Variants in PRKCQ observed in about 807,000 individuals in gnomAD.
The protein encoded by PRKCQ is protein kinase C theta.
Under a neutral mutation model 91.2 loss-of-function variants are expected in PRKCQ, and 41 were observed. The observed-to-expected ratio is 0.45, with a 90% CI of 0.35 to 0.58. The LOEUF (loss-of-function observed/expected upper bound fraction) is 0.58. Ranked by LOEUF, PRKCQ falls within the 20% of genes least tolerant of loss-of-function variation. The pLI, the probability that PRKCQ is intolerant of heterozygous loss-of-function variation, is 0.00. For missense variants in PRKCQ, 673 were observed against 896.5 expected (o/e 0.75, Z 3.18); for synonymous variants, 307 against 316.9 (o/e 0.97, Z 0.33).
At chr10:6,400,925 T>A in the PRKCQ span, among the ~76,000 whole-genome samples, 39 of 152,324 alleles carry the variant, frequency 2.6e-4, no homozygotes, top group East Asian at 7.5e-3. Context: ...CATAGTTCGT[T>A]CCCTTTTAGA....
downstream of PRKCQ, among the ~76,000 whole-genome samples, chr10:6,425,794 C>G (rs1166236261): frequency 6.6e-6 from 1 of 151,772 alleles, no homozygotes; most frequent in East Asian, 1.9e-4. Context: ...GTCTCTAATT[C>G]AAAAAAATAA....
At chr10:6,491,915 A>T (rs3815975) in intron 7 of PRKCQ, 103 bp from the exon 8 acceptor site, 3 of 1,474,948 alleles carry the variant, frequency 2.0e-6, no homozygotes, top group Middle Eastern at 1.8e-4. Context: ...TAATGAAAAC[A>T]CTGGCATTGT....
intron 1 of PRKCQ, among the ~76,000 whole-genome samples, chr10:6,524,164 T>C (rs533070749): frequency 2.0e-5 from 3 of 152,256 alleles, no homozygotes; most frequent in East Asian, 1.9e-4. Flanking sequence ...AAAAATCCTA[T>C]GAGAAAGAGT....
chr10:6,445,312 G>T (rs1834222761), intron 15 of PRKCQ, among the ~76,000 whole-genome samples: 1 of 152,046 alleles, frequency 6.6e-6, no homozygotes, highest in South Asian at 2.1e-4. Context: ...GCCCAGGGGT[G>T]CTGTGAAGTC....
intron 12 of PRKCQ, among the ~76,000 whole-genome samples, chr10:6,470,868 T>C (rs1014303582): frequency 6.6e-6 from 1 of 151,506 alleles, no homozygotes; most frequent in Non-Finnish European, 1.5e-5. Context: ...GGAGAATCAC[T>C]TGAACCCAGG....
chr10:6,521,159 G>T (rs1014344452), intron 1 of PRKCQ, among the ~76,000 whole-genome samples: 1 of 151,966 alleles, frequency 6.6e-6, no homozygotes, highest in Non-Finnish European at 1.5e-5. Flanking sequence ...CAACAATTCC[G>T]AGAGAAGGGG....
At chr10:6,525,786 G>C (rs894023288) in intron 1 of PRKCQ, among the ~76,000 whole-genome samples, 1 of 152,126 alleles carries the variant, frequency 6.6e-6, no homozygotes, top group Non-Finnish European at 1.5e-5. Flanking sequence ...GGATCTGCTG[G>C]AGGCCATGAA....
the PRKCQ span, among the ~76,000 whole-genome samples, chr10:6,404,253 G>A: frequency 8.1e-5 from 1 of 12,406 alleles, no homozygotes; most frequent in East Asian, 0.016. Flanking sequence ...GAGAAGGGGG[G>A]GGGAGAGAGA....
chr10:6,572,091 G>A (rs1400541894), intron 1 of PRKCQ, among the ~76,000 whole-genome samples: 6 of 152,096 alleles, frequency 3.9e-5, no homozygotes, highest in Admixed American at 1.3e-4. Flanking sequence ...TGATTCCCGC[G>A]ATCCAGGCCC....
In PRKCQ at chr10:6,450,209, C is replaced by T. The variant is rs1206466818; in HGVS notation, c.1647+6465G>A. Among the ~76,000 whole-genome samples, 6 of 149,988 alleles carry T rather than the reference C, an allele frequency of 4.0e-5. No homozygotes were observed. The East Asian group carries it at 1.2e-3, about 29-fold the overall frequency. On this transcript the variant is annotated intron_variant, in intron 15 of 17. Transcript: ENST00000263125. ...AACCCATCTCATGTGCAGAGACACA[C>T]ATAGGCTCAAAATAAAAGGATGGAG...
chr10:6,539,114 G>A, intron 1 of PRKCQ, among the ~76,000 whole-genome samples: 1 of 152,134 alleles, frequency 6.6e-6, no homozygotes, highest in South Asian at 2.1e-4. Flanking sequence ...TTGCACAAGG[G>A]TAGAAACCTT....
At chr10:6,521,801 A>G (rs1306564780) in intron 1 of PRKCQ, among the ~76,000 whole-genome samples, 1 of 152,208 alleles carries the variant, frequency 6.6e-6, no homozygotes, top group Admixed American at 6.5e-5. Flanking sequence ...ATCTGGATGC[A>G]GTCATTATCA....
chr10:6,423,724 C>T (rs924898733), downstream of PRKCQ, among the ~76,000 whole-genome samples: 1 of 152,214 alleles, frequency 6.6e-6, no homozygotes, highest in Non-Finnish European at 1.5e-5. Context: ...CTTCTGCTGC[C>T]CATCCCTTTG....
intron 1 of PRKCQ, among the ~76,000 whole-genome samples, chr10:6,534,255 G>C (rs959636479): frequency 6.6e-6 from 1 of 152,082 alleles, no homozygotes; most frequent in African/African-American, 2.4e-5. Context: ...TCCCTTCTCT[G>C]TGATTCCAAA....
At chr10:6,488,304 C>T (rs1837044594) in intron 8 of PRKCQ, among the ~76,000 whole-genome samples, 1 of 152,166 alleles carries the variant, frequency 6.6e-6, no homozygotes, top group East Asian at 1.9e-4. Flanking sequence ...GGGCAACCCT[C>T]ACCTGTAGTT....
At position 6,473,098 on chromosome 10, in the gene PRKCQ, A is replaced by G. The variant is rs115078319; in HGVS notation, c.1353+5894T>C. ...ATTTTCCTTAGACCAGATGACAGAA[A>G]ACCCATGACTATAGCACACTCTGTA... is the stretch of plus-strand genomic sequence containing the variant. On this transcript the variant is annotated intron_variant, in intron 12 of 17. Coordinates refer to ENST00000263125, the MANE Select transcript of PRKCQ (RefSeq NM_006257.5). Among the ~76,000 whole-genome samples the G allele has an allele frequency of 5.4e-3, 816 of 152,290 alleles. 7 individuals are homozygous for G. Among genetic ancestry groups the G allele is most frequent in the African/African-American group, 0.018 (768 of 41,560 alleles).
intron 15 of PRKCQ, among the ~76,000 whole-genome samples, chr10:6,445,199 T>C (rs1361475847): frequency 6.8e-6 from 1 of 146,718 alleles, no homozygotes; most frequent in Non-Finnish European, 1.5e-5. Flanking sequence ...TTGATGTCGG[T>C]GAGCTTTTTT....
chr10:6,549,118 AAACTT>A (rs1251936900), intron 1 of PRKCQ, among the ~76,000 whole-genome samples: 1 of 152,158 alleles, frequency 6.6e-6, no homozygotes, highest in Non-Finnish European at 1.5e-5. Flanking sequence ...ACAGCTCTGA[AAACTT>A]AAGAAGCAGT....
intron 1 of PRKCQ, among the ~76,000 whole-genome samples, chr10:6,578,256 A>G (rs1386198455): frequency 1.3e-5 from 2 of 152,230 alleles, no homozygotes; most frequent in Non-Finnish European, 2.9e-5. Context: ...TGGTGAGCGA[A>G]GACGCAATGA....
Sources: allele counts gnomAD v4.1 joint callset (sites outside exome capture counted in the v4.1 genomes callset), GRCh38; gene constraint gnomAD v4.1.1; transcripts MANE v1.5; gene names NCBI Gene and HGNC (gene_info 2026-07-23, HGNC 2026-07-21).